KLHL29: variants seen among roughly 807,000 people sequenced by gnomAD.
KLHL29 encodes kelch like family member 29, also known as kelch-like protein 29.
Under a neutral mutation model 80.4 loss-of-function variants are expected in KLHL29, and 21 were observed. The ratio of observed to expected loss-of-function variants is 0.26; its 90% confidence interval spans 0.19 to 0.38. The LOEUF (loss-of-function observed/expected upper bound fraction) is 0.38, where lower values mean the gene tolerates loss of function less well. Among genes scored for constraint, KLHL29 ranks in the 10% least tolerant of loss-of-function variants. KLHL29 has a pLI of 1.00. For missense variants in KLHL29, 867 were observed against 1,223.9 expected, an observed-to-expected ratio of 0.71 and a Z score of 4.35; for synonymous variants, 511 against 526.8, an observed-to-expected ratio of 0.97 and a Z score of 0.41.
At chr2:23,650,175 G>C (rs970133021) in intron 5 of KLHL29, among the ~76,000 whole-genome samples, 1 of 152,266 alleles carries the variant, frequency 6.6e-6, no homozygotes, top group Non-Finnish European at 1.5e-5. Flanking sequence ...GGGAGACCAG[G>C]AGGTGCCAGC....
intron 1 of KLHL29, among the ~76,000 whole-genome samples, chr2:23,440,582 G>T (rs1034251295): frequency 2.0e-5 from 3 of 152,034 alleles, no homozygotes; most frequent in Non-Finnish European, 4.4e-5. Flanking sequence ...CTACTCATCT[G>T]ACAAAGGGCT....
chr2:23,572,063 G>A (rs929252005), intron 3 of KLHL29, among the ~76,000 whole-genome samples: 3 of 152,146 alleles, frequency 2.0e-5, no homozygotes, highest in African/African-American at 7.2e-5. Context: ...TTGCTTCTCT[G>A]AATGTCAACA....
Position 23,669,978 on chromosome 2 carries a change from T to A in KLHL29, c.941-14421T>A, listed in dbSNP as rs1461644273. 1.3e-5 allele frequency among the ~76,000 whole-genome samples: 2 copies of A among 152,022 alleles called. No homozygotes were observed. Among genetic ancestry groups the A allele is most frequent in the African/African-American group, 4.8e-5 (2 of 41,370 alleles). The stretch of plus-strand genomic sequence containing the variant: ...GTGTCAGTAAAGCCAGAAGCTCAGC[T>A]GAAATGGTAGGGACCCATGAAAAGT... On this transcript the variant is annotated intron_variant, in intron 5 of 13. Coordinates refer to ENST00000486442, the MANE Select transcript of KLHL29 (RefSeq NM_052920.2). The surrounding 1 kb of genome is among the most constrained non-coding windows in gnomAD (Gnocchi z 4.3).
In KLHL29 at chr2:23,696,244, A is replaced by C; in HGVS notation, c.1925-89A>C. ...CCCAGAAGTGTCTACTTTGCAGGTG[A>C]AGCCTTCCTCTGCCCCTGGGGCTGG... On this transcript the variant is annotated intron_variant, in intron 10 of 13. Coordinates refer to ENST00000486442, the MANE Select transcript of KLHL29 (RefSeq NM_052920.2). This position sits in a 1 kb window ranked among gnomAD's most constrained non-coding sequence, Gnocchi z 5.5. 2 of 1,490,942 alleles carry C rather than the reference A, an allele frequency of 1.3e-6. No homozygotes were observed. The highest frequency in any genetic ancestry group is 1.8e-6 in the Non-Finnish European group (2 of 1,099,998). The allele number at this position is 1,490,942 out of a possible 1,614,324, so 92.4% of individuals were successfully genotyped here. A position where few individuals can be genotyped will look rare whatever the true frequency, so the allele number is the denominator to read the frequency against.
At chr2:23,616,975 A>AG (rs1384864390) in intron 3 of KLHL29, 3 of 152,352 alleles carry the variant, frequency 2.0e-5, no homozygotes, top group Middle Eastern at 3.4e-3. Flanking sequence ...GCCGTATCGC[A>AG]GCGTGTTTGC....
intron 2 of KLHL29, among the ~76,000 whole-genome samples, chr2:23,487,007 A>C (rs1487534241): frequency 3.3e-5 from 5 of 152,200 alleles, no homozygotes; most frequent in African/African-American, 1.2e-4. Context: ...TGTACCGAGA[A>C]GTAAACTGAG....
intron 1 of KLHL29, among the ~76,000 whole-genome samples, chr2:23,402,535 T>C (rs1666620414): frequency 6.8e-6 from 1 of 146,866 alleles, no homozygotes; most frequent in African/African-American, 2.5e-5. Context: ...CTCTCTCCCG[T>C]GGGTTTGTAT....
intron 1 of KLHL29, among the ~76,000 whole-genome samples, chr2:23,440,480 G>A (rs1663483533): frequency 6.6e-6 from 1 of 152,108 alleles, no homozygotes; most frequent in Admixed American, 6.5e-5. Context: ...TGACAAATGG[G>A]ATCTAATTAA....
intron 3 of KLHL29, among the ~76,000 whole-genome samples, chr2:23,612,647 C>T (rs1477683880): frequency 6.6e-6 from 1 of 152,084 alleles, no homozygotes; most frequent in African/African-American, 2.4e-5. Context: ...TAGGCTAAGG[C>T]AGGAGAAATT....
intron 5 of KLHL29, among the ~76,000 whole-genome samples, chr2:23,664,532 C>A (rs1305768918): frequency 6.6e-6 from 1 of 152,242 alleles, no homozygotes; most frequent in Non-Finnish European, 1.5e-5. Flanking sequence ...TGAGCAAGAT[C>A]ACCGCACAGA....
chr2:23,529,617 G>A (rs755264821), intron 2 of KLHL29, among the ~76,000 whole-genome samples: 11 of 152,158 alleles, frequency 7.2e-5, no homozygotes, highest in South Asian at 4.1e-4. Flanking sequence ...TATAGACCTG[G>A]CTGATTGGAG....
At chr2:23,397,362 T>C (rs1666476025) in intron 1 of KLHL29, among the ~76,000 whole-genome samples, 1 of 152,230 alleles carries the variant, frequency 6.6e-6, no homozygotes, top group African/African-American at 2.4e-5. Context: ...AATTTAAAGC[T>C]TGATTCTGCA....
rs1558433048 is a variant in KLHL29, at chr2:23,671,000, CCCCCCCCCCA to C, written c.941-13396_941-13387del. 4.0e-5 allele frequency among the ~76,000 whole-genome samples: 3 copies of C among 75,688 alleles called. 1 individual carries two copies. The allele number at this position is 75,688 out of a possible 152,430, so 49.7% of individuals were successfully genotyped here. Reference sequence around the variant, plus strand: ...TCTCTCCCTCCCTCCCTCCCTCCCTCCCCCCCCCCACCTCCTCCCTTCCCTCCTAACCTCA... The same window carrying C: ...TCTCTCCCTCCCTCCCTCCCTCCCTCCCTCCTCCCTTCCCTCCTAACCTCA... On this transcript the variant is annotated intron_variant, in intron 5 of 13. Transcript: ENST00000486442.
At chr2:23,694,078 C>G (rs932491276) in intron 8 of KLHL29, among the ~76,000 whole-genome samples, 5 of 152,232 alleles carry the variant, frequency 3.3e-5, no homozygotes, top group Non-Finnish European at 7.3e-5. Context: ...ACAGTGACAG[C>G]CACAAGTCCC....
chr2:23,652,404 A>G (rs1173280558), intron 5 of KLHL29, among the ~76,000 whole-genome samples: 1 of 152,188 alleles, frequency 6.6e-6, no homozygotes, highest in East Asian at 1.9e-4. Context: ...TGTAACTTCC[A>G]TGGCCCTGCC....
intron 2 of KLHL29, among the ~76,000 whole-genome samples, chr2:23,488,156 G>A (rs547371345): frequency 1.3e-5 from 2 of 152,324 alleles, no homozygotes; most frequent in East Asian, 1.9e-4. Context: ...TTGTCAGGTG[G>A]GCTTCGCAAT....
chr2:23,537,154 C>T (rs1366486105), intron 2 of KLHL29, among the ~76,000 whole-genome samples: 10 of 152,122 alleles, frequency 6.6e-5, no homozygotes, highest in Admixed American at 5.2e-4. Flanking sequence ...CCTGAGTTCC[C>T]TTTCAGTCAC....
intron 3 of KLHL29, among the ~76,000 whole-genome samples, chr2:23,635,220 A>G (rs980663897): frequency 1.3e-5 from 2 of 152,248 alleles, no homozygotes; most frequent in Admixed American, 1.3e-4. Flanking sequence ...TCGTGGGTAC[A>G]CAGCCTGGTG....
chr2:23,405,152 G>A (rs76157809), intron 1 of KLHL29, among the ~76,000 whole-genome samples: 48 of 152,258 alleles, frequency 3.2e-4, no homozygotes, highest in Non-Finnish European at 5.7e-4. Context: ...TGGATAATTA[G>A]GCATACTTCT....
Sources: allele counts gnomAD v4.1 joint callset (sites outside exome capture counted in the v4.1 genomes callset), GRCh38; gene constraint gnomAD v4.1.1; non-coding constraint Gnocchi (gnomAD v3.1); transcripts MANE v1.5; gene names NCBI Gene and HGNC (gene_info 2026-07-23, HGNC 2026-07-21).